SPTA1: variants seen among roughly 807,000 people sequenced by gnomAD.
The protein encoded by SPTA1 is spectrin alpha chain, erythrocytic 1.
Under a neutral mutation model 324.7 loss-of-function variants are expected in SPTA1, and 177 were observed. That is an observed-to-expected ratio of 0.55 (90% CI 0.48 to 0.62). The LOEUF is 0.62. Ranked by LOEUF, SPTA1 falls within the 20% of genes least tolerant of loss-of-function variation. The pLI, the probability that SPTA1 is intolerant of heterozygous loss-of-function variation, is 0.00. For synonymous variants in SPTA1, 1,195 were observed against 1,041.3 expected, an observed-to-expected ratio of 1.15 and a Z score of -2.84; for missense variants, 3,162 against 2,883.6, an observed-to-expected ratio of 1.10 and a Z score of -2.21.
chr1:158,622,391 C>T (rs1412659), intron 43 of SPTA1, among the ~76,000 whole-genome samples: 51,427 of 151,382 alleles, frequency 0.34, 9,205 homozygotes, highest in African/African-American at 0.46. Context: ...TATTAATACA[C>T]ACATATTACA....
intron 23 of SPTA1, 45 bp downstream of exon 23, chr1:158,652,422 A>G (rs371151274): frequency 1.7e-4 from 269 of 1,604,268 alleles, no homozygotes; most frequent in Middle Eastern, 6.6e-4. Flanking sequence ...CTGAGGGATA[A>G]AAGCAAACAA....
intron 18 of SPTA1, among the ~76,000 whole-genome samples, chr1:158,660,467 G>T (rs1383325735): frequency 6.6e-6 from 1 of 152,058 alleles, no homozygotes; most frequent in East Asian, 1.9e-4. Flanking sequence ...TCATCAAAAA[G>T]ACATAACAAT....
intron 34 of SPTA1, 81 bp from the exon 35 acceptor site, chr1:158,639,767 A>G (rs1651392463): frequency 9.3e-6 from 15 of 1,612,248 alleles, no homozygotes; most frequent in Non-Finnish European, 1.3e-5. Flanking sequence ...ATGTCCCCAA[A>G]CTTTTCCCAG....
intron 33 of SPTA1, 145 bp from the exon 34 acceptor site, chr1:158,640,152 A>G: frequency 1.0e-6 from 1 of 999,976 alleles, no homozygotes; most frequent in Non-Finnish European, 1.5e-6. Flanking sequence ...CAAACCAGTT[A>G]TACTTAATCT....
In SPTA1 at chr1:158,644,236, T is replaced by A. The variant is rs1401785393; in HGVS notation, c.4338+17A>T. ...ACTACGGATTATTATTTTAATTCCT[T>A]TACTAGTCATTATTACCTGGGCAGT... On this transcript the variant is annotated intron_variant, in intron 30 of 51. Transcript: ENST00000643759. The A allele has an allele frequency of 6.2e-7, 1 of 1,613,560 alleles. No individual in the cohort carries two copies. The highest frequency in any genetic ancestry group is 1.7e-5 in the Admixed American group (1 of 59,948).
intron 31 of SPTA1, 127 bp downstream of exon 31, chr1:158,643,195 G>T: frequency 8.1e-7 from 1 of 1,238,558 alleles, no homozygotes; most frequent in Non-Finnish European, 1.2e-6. Context: ...AGTCTGCATA[G>T]GTGTCAAGAT....
chr1:158,672,611 G>A (rs1008410403), intron 10 of SPTA1, among the ~76,000 whole-genome samples: 5 of 152,176 alleles, frequency 3.3e-5, no homozygotes, highest in African/African-American at 1.2e-4. Context: ...GACAGTCAAT[G>A]AAATCCAAGT....
rs577114759 is a variant in SPTA1 at position 158,612,842 on chromosome 1, T to C, written c.7109A>G (p.Tyr2370Cys). 60 of 1,613,958 alleles carry C rather than the reference T, an allele frequency of 3.7e-5. No homozygotes were observed. The South Asian group carries it at 3.8e-4, about 10-fold the overall frequency. Residue 2370 changes from tyrosine to cysteine, a missense_variant, in exon 51 of 52, where the codon TAT becomes TGT. Physicochemically the swap from Tyr to Cys is radical, Grantham distance 194. Coordinates refer to ENST00000643759, the MANE Select transcript of SPTA1 (RefSeq NM_003126.4). ...CTGCTTCATGTCTTCTTTGGTAATA[T>C]ATGACTTGCCCTCTGCCAGGGCTTG... ...AFQALAEGKS[Y>C]ITKEDMKQAL...
chr1:158,612,326 T>C lies in SPTA1; in HGVS notation c.7134+491A>G, dbSNP rs937910088. 30 of 197,768 alleles carry C rather than the reference T, an allele frequency of 1.5e-4. No homozygotes were observed. In the South Asian group the frequency reaches 2.4e-3, roughly 16 times the overall value. The allele number at this position is 197,768 out of a possible 1,614,324, so 12.3% of individuals were successfully genotyped here. A position where few individuals can be genotyped will look rare whatever the true frequency, so the allele number is the denominator to read the frequency against. ...GATGCAAGTATTTTAAGGAGAGGAA[T>C]GAAGAAAGCTCTTGGAATCAGAGAG... On this transcript the variant is annotated intron_variant, in intron 51 of 51. Transcript: ENST00000643759.
intron 9 of SPTA1, 21 bp downstream of exon 9, chr1:158,674,519 T>G (rs1190925377): frequency 2.5e-6 from 4 of 1,613,946 alleles, no homozygotes; most frequent in Non-Finnish European, 8.5e-7. Flanking sequence ...CTCCTCCTAC[T>G]GGGCAGCCTT....
intron 25 of SPTA1, among the ~76,000 whole-genome samples, chr1:158,649,252 C>A (rs1260506938): frequency 6.6e-6 from 1 of 151,910 alleles, no homozygotes; most frequent in Non-Finnish European, 1.5e-5. Flanking sequence ...ATTACTTAAA[C>A]CTCCTGTTTC....
At chr1:158,638,282 G>C (rs1030375916) in intron 35 of SPTA1, 41 bp from the exon 36 acceptor site, 5 of 1,579,876 alleles carry the variant, frequency 3.2e-6, no homozygotes, top group Non-Finnish European at 4.3e-6. Context: ...TATAGTATAG[G>C]CATTACTCAG....
rs1446209150 is a variant in SPTA1, at chr1:158,636,770, A to G, written c.5190-9T>C. Reference sequence around the variant, plus strand: ...CTCGTATCAACTTCTCCCTAAAATCAAGGAAGAAAACAGAAAGTTTGGAGT... The same window carrying G: ...CTCGTATCAACTTCTCCCTAAAATCGAGGAAGAAAACAGAAAGTTTGGAGT... On this transcript the variant is annotated splice_polypyrimidine_tract_variant and intron_variant, in intron 36 of 51. Coordinates refer to ENST00000643759, the MANE Select transcript of SPTA1 (RefSeq NM_003126.4). 2 of 1,613,980 alleles carry G rather than the reference A, an allele frequency of 1.2e-6. No homozygotes were observed. The highest frequency in any genetic ancestry group is 1.1e-5 in the South Asian group (1 of 91,086).
chr1:158,655,036 G>A (rs1652731253), intron 20 of SPTA1, among the ~76,000 whole-genome samples: 1 of 152,094 alleles, frequency 6.6e-6, no homozygotes, highest in Admixed American at 6.6e-5. Context: ...AAAATGGGAG[G>A]AGTACATTTT....
intron 18 of SPTA1, 90 bp from the exon 19 acceptor site, chr1:158,657,784 A>G: frequency 2.2e-6 from 3 of 1,347,298 alleles, no homozygotes; most frequent in Non-Finnish European, 3.2e-6. Flanking sequence ...AGAGAAAGGA[A>G]GTGATAAAAA....
At chr1:158,683,890 G>T (rs781296256) in intron 2 of SPTA1, among the ~76,000 whole-genome samples, 2 of 151,784 alleles carry the variant, frequency 1.3e-5, no homozygotes, top group African/African-American at 4.8e-5. Context: ...GCCTGTTCTT[G>T]TAATCTATAA....
chr1:158,678,676 T>C, intron 5 of SPTA1, 142 bp from the exon 6 acceptor site: 1 of 1,053,876 alleles, frequency 9.5e-7, no homozygotes, highest in Non-Finnish European at 1.4e-6. Flanking sequence ...AACTTCATCA[T>C]AGCCCTCCTC....
chr1:158,636,249 C>G (rs893707684), intron 37 of SPTA1, among the ~76,000 whole-genome samples: 1 of 152,186 alleles, frequency 6.6e-6, no homozygotes, highest in South Asian at 2.1e-4. Context: ...TATATCAGTA[C>G]TTGCACTAGT....
Position 158,623,188 on chromosome 1 carries a change from G to A in SPTA1, c.5915C>T (p.Thr1972Ile). 2.5e-6 allele frequency: 4 copies of A among 1,614,078 alleles called. No individual in the cohort carries two copies. The highest frequency in any genetic ancestry group is 3.4e-6 in the Non-Finnish European group (4 of 1,179,964). ...DFLTLLAKQDTLDASLQSFQQ... is the reference protein window; with the variant it reads ...DFLTLLAKQDILDASLQSFQQ... Reference sequence around the variant, plus strand: ...GAAACTCTGCAGACTGGCATCCAGAGTGTCCTGAGAAAGATCAGGAGAGAG... The same window carrying A: ...GAAACTCTGCAGACTGGCATCCAGAATGTCCTGAGAAAGATCAGGAGAGAG... The change falls in exon 43 of 52, where the codon ACT (threonine) becomes ATT (isoleucine). Residue 1972 changes from threonine to isoleucine, a missense_variant. By Grantham distance (89) the Thr-to-Ile change is moderately conservative. Coordinates refer to ENST00000643759, the MANE Select transcript of SPTA1 (RefSeq NM_003126.4).
Sources: gnomAD v4.1 joint callset for allele counts (sites outside exome capture counted in the v4.1 genomes callset) on GRCh38, gnomAD v4.1.1 for gene constraint, MANE v1.5 for transcripts, NCBI Gene and HGNC (gene_info 2026-07-23, HGNC 2026-07-21) for gene names.